The following PKN2 variants were observed in gnomAD, a reference collection of about 807,000 sequenced individuals.
PKN2 encodes the protein serine/threonine-protein kinase N2.
In PKN2, 38 loss-of-function variants were observed where a neutral mutation model predicts 119.1. The observed-to-expected ratio is 0.32, with a 90% CI of 0.25 to 0.42. PKN2 has a LOEUF of 0.42. PKN2 is among the 10% of genes least tolerant of loss of function. The pLI, the probability that PKN2 is intolerant of heterozygous loss-of-function variation, is 1.00. For missense variants in PKN2, 850 were observed against 1,165.1 expected (o/e 0.73, Z 3.94); for synonymous variants, 390 against 384.9 (o/e 1.01, Z -0.15).
chr1:88,789,826 A>G (rs1050831467), intron 8 of PKN2, among the ~76,000 whole-genome samples: 1 of 152,014 alleles, frequency 6.6e-6, no homozygotes, highest in Non-Finnish European at 1.5e-5. Flanking sequence ...TCCTATTCTC[A>G]TTCTCCCAAA....
At chr1:88,802,356 C>T (rs930730728) in intron 8 of PKN2, among the ~76,000 whole-genome samples, 10 of 151,004 alleles carry the variant, frequency 6.6e-5, no homozygotes, top group South Asian at 2.1e-4. Flanking sequence ...GACAGGGTCT[C>T]GCTCTGTTGC....
chr1:88,753,898 G>T (rs1249335265), intron 2 of PKN2, among the ~76,000 whole-genome samples: 1 of 152,142 alleles, frequency 6.6e-6, no homozygotes, highest in Non-Finnish European at 1.5e-5. Flanking sequence ...GGAGGCAGTT[G>T]TGTCTTTTAA....
At chr1:88,705,727 C>T (rs1351240306) in intron 1 of PKN2, among the ~76,000 whole-genome samples, 1 of 151,916 alleles carries the variant, frequency 6.6e-6, no homozygotes, top group Non-Finnish European at 1.5e-5. Context: ...ATTCTTTCTC[C>T]ACTGAATTGC....
chr1:88,804,737 G>C lies in PKN2; in HGVS notation c.1426-109G>C, dbSNP rs568945380. ...TGTTTTCTCATGTAGAAAATGAGGG[G>C]CTGGACTAAACTGTAACTAAGATTC... is the stretch of plus-strand genomic sequence containing the variant. On this transcript the variant is annotated intron_variant, in intron 9 of 21. Coordinates refer to ENST00000370521, the MANE Select transcript of PKN2 (RefSeq NM_006256.4). 484 of 756,504 alleles carry C rather than the reference G, an allele frequency of 6.4e-4. 4 individuals are homozygous for C. Among genetic ancestry groups the C allele is most frequent in the Non-Finnish European group, 3.2e-4 (147 of 463,528 alleles). The allele number at this position is 756,504 out of a possible 1,614,324, so 46.9% of individuals were successfully genotyped here. A position where few individuals can be genotyped will look rare whatever the true frequency, so the allele number is the denominator to read the frequency against.
At chr1:88,806,319 G>GTA in intron 12 of PKN2, 2 of 311,556 alleles carry the variant, frequency 6.4e-6, no homozygotes, top group Non-Finnish European at 1.2e-5. Context: ...ACAGGCACAT[G>GTA]CCACCATGCC....
At chr1:88,754,391 A>G (rs572016539) in intron 2 of PKN2, among the ~76,000 whole-genome samples, 2 of 152,212 alleles carry the variant, frequency 1.3e-5, no homozygotes, top group African/African-American at 4.8e-5. Context: ...ATAGTCGCAG[A>G]GGAAAAACAG....
intron 1 of PKN2, among the ~76,000 whole-genome samples, chr1:88,692,514 T>A (rs1666373630): frequency 1.3e-5 from 2 of 152,204 alleles, no homozygotes; most frequent in Non-Finnish European, 2.9e-5. Flanking sequence ...TGGTTATCCA[T>A]CCTCTCCAAC....
At chr1:88,761,445 T>A (rs181345890) in intron 3 of PKN2, among the ~76,000 whole-genome samples, 40 of 151,870 alleles carry the variant, frequency 2.6e-4, no homozygotes, top group Non-Finnish European at 5.0e-4. Flanking sequence ...AGGGAAATAT[T>A]TTTTTTCTTA....
At chr1:88,721,622 A>G (rs1237519225) in intron 1 of PKN2, among the ~76,000 whole-genome samples, 1 of 152,192 alleles carries the variant, frequency 6.6e-6, no homozygotes, top group Non-Finnish European at 1.5e-5. Flanking sequence ...TTAAATTTTT[A>G]ACATGGTTGA....
At chr1:88,793,115 T>G (rs1460233212) in intron 8 of PKN2, among the ~76,000 whole-genome samples, 3 of 152,194 alleles carry the variant, frequency 2.0e-5, no homozygotes, top group Non-Finnish European at 4.4e-5. Flanking sequence ...AGTACTACAG[T>G]TAATTTTATG....
At chr1:88,798,280 G>A (rs1671170354) in intron 8 of PKN2, among the ~76,000 whole-genome samples, 2 of 151,506 alleles carry the variant, frequency 1.3e-5, no homozygotes. Flanking sequence ...TTTAAAGTTT[G>A]TGTTTAAATA....
chr1:88,738,253 A>G (rs1286909254), intron 1 of PKN2, among the ~76,000 whole-genome samples: 1 of 152,208 alleles, frequency 6.6e-6, no homozygotes. Context: ...AAGAGTGGTC[A>G]GATAAAAAAA....
At chr1:88,728,016 C>CTTT (rs34460979) in intron 1 of PKN2, among the ~76,000 whole-genome samples, 14 of 130,756 alleles carry the variant, frequency 1.1e-4, no homozygotes, top group African/African-American at 1.7e-4. Context: ...TTTCTTGGGG[C>CTTT]TTTTTTTTTT....
intron 1 of PKN2, among the ~76,000 whole-genome samples, chr1:88,685,496 A>T (rs1570470736): frequency 6.6e-6 from 1 of 152,204 alleles, no homozygotes; most frequent in African/African-American, 2.4e-5. Flanking sequence ...CATGTCGAGT[A>T]GCAATGTTAT....
intron 2 of PKN2, among the ~76,000 whole-genome samples, chr1:88,743,354 C>T (rs1439807270): frequency 6.6e-6 from 1 of 152,152 alleles, no homozygotes; most frequent in African/African-American, 2.4e-5. Context: ...TATATTCCTT[C>T]CCAGCTAACC....
At chr1:88,780,342 G>A (rs1214268582) in intron 6 of PKN2, among the ~76,000 whole-genome samples, 1 of 151,990 alleles carries the variant, frequency 6.6e-6, no homozygotes, top group Non-Finnish European at 1.5e-5. Flanking sequence ...TTGGCCTAGG[G>A]ACACAGTTAA....
chr1:88,723,786 G>T (rs1053625884), intron 1 of PKN2, among the ~76,000 whole-genome samples: 2 of 152,136 alleles, frequency 1.3e-5, no homozygotes. Context: ...ATTTTAAGCA[G>T]TATTGGTGGA....
intron 1 of PKN2, among the ~76,000 whole-genome samples, chr1:88,687,281 CTA>C (rs1666140427): frequency 6.6e-6 from 1 of 152,068 alleles, no homozygotes; most frequent in Non-Finnish European, 1.5e-5. Context: ...CATTAATAAA[CTA>C]TGTAAACTTT....
chr1:88,759,132 A>G (rs535196170), intron 2 of PKN2, among the ~76,000 whole-genome samples: 1 of 152,246 alleles, frequency 6.6e-6, no homozygotes, highest in Non-Finnish European at 1.5e-5. Flanking sequence ...TGGGAGGCCA[A>G]GGCGGGCAGA....
Sources: allele counts gnomAD v4.1 joint callset (sites outside exome capture counted in the v4.1 genomes callset), GRCh38; gene constraint gnomAD v4.1.1; transcripts MANE v1.5; gene names NCBI Gene and HGNC (gene_info 2026-07-23, HGNC 2026-07-21).